SEZ6L: variants seen among roughly 807,000 people sequenced by gnomAD.
The protein encoded by SEZ6L is seizure 6-like protein.
Under a neutral mutation model 106.2 loss-of-function variants are expected in SEZ6L, and 37 were observed. The ratio of observed to expected loss-of-function variants is 0.35; its 90% confidence interval spans 0.27 to 0.46. SEZ6L has a LOEUF of 0.46. SEZ6L is among the 20% of genes least tolerant of loss of function. The pLI, the probability that SEZ6L is intolerant of heterozygous loss-of-function variation, is 1.00. For synonymous variants in SEZ6L, 541 were observed against 570.4 expected, an observed-to-expected ratio of 0.95 and a Z score of 0.73; for missense variants, 1,172 against 1,332.8, an observed-to-expected ratio of 0.88 and a Z score of 1.88.
chr22:26,293,004 G>C lies in SEZ6L; in HGVS notation c.693G>C (p.Glu231Asp). 6.2e-7 allele frequency: 1 copy of C among 1,614,108 alleles called. No individual in the cohort carries two copies. Among genetic ancestry groups the C allele is most frequent in the Non-Finnish European group, 8.5e-7 (1 of 1,179,998 alleles). ...PGEPGPDMAQ[E>D]APQEDTSPMA... is the part of the protein sequence containing the mutation. ...AGCCTGGGCCTGACATGGCCCAGGA[G>C]GCCCCCCAGGAGGACACCAGCCCCA... is the stretch of plus-strand genomic sequence containing the variant. The change falls in exon 2 of 17, where the codon GAG becomes GAC. Residue 231 changes from glutamate (E) to aspartate (D), a missense_variant. Physicochemically the swap from Glu to Asp is conservative, Grantham distance 45 (BLOSUM62 2). Coordinates refer to ENST00000248933, the MANE Select transcript of SEZ6L (RefSeq NM_021115.5).
chr22:26,318,097 A>C (rs1382322706), intron 9 of SEZ6L, among the ~76,000 whole-genome samples: 2 of 127,482 alleles, frequency 1.6e-5, no homozygotes, highest in Non-Finnish European at 3.4e-5. Flanking sequence ...ATTTTTTGTG[A>C]TAGAGTCTCA....
intron 10 of SEZ6L, among the ~76,000 whole-genome samples, chr22:26,342,672 G>A (rs546014260): frequency 6.4e-4 from 97 of 152,078 alleles, no homozygotes; most frequent in African/African-American, 2.1e-3. Flanking sequence ...TCCAGCCTGG[G>A]TGATAGAGCG....
intron 1 of SEZ6L, among the ~76,000 whole-genome samples, chr22:26,201,389 A>C (rs1199791755): frequency 6.8e-6 from 1 of 146,804 alleles, no homozygotes; most frequent in Non-Finnish European, 1.5e-5. Context: ...ATACAAAAAA[A>C]AAAAAAAAAA....
intron 1 of SEZ6L, among the ~76,000 whole-genome samples, chr22:26,289,340 G>A (rs1195039911): frequency 6.6e-6 from 1 of 152,182 alleles, no homozygotes; most frequent in African/African-American, 2.4e-5. Flanking sequence ...GCGACAGTGA[G>A]CATAAAAGCC....
intron 16 of SEZ6L, among the ~76,000 whole-genome samples, chr22:26,378,164 G>A (rs879322514): frequency 6.6e-6 from 1 of 152,142 alleles, no homozygotes; most frequent in Non-Finnish European, 1.5e-5. Context: ...TCCTATTTTA[G>A]GTGCTAGGAA....
chr22:26,314,519 G>A (rs1270184571), intron 9 of SEZ6L, among the ~76,000 whole-genome samples: 1 of 152,208 alleles, frequency 6.6e-6, no homozygotes, highest in African/African-American at 2.4e-5. Flanking sequence ...CTCTGGGGCT[G>A]GGTCTGACTA....
At chr22:26,186,081 G>A (rs117347633) in intron 1 of SEZ6L, among the ~76,000 whole-genome samples, 2 of 151,928 alleles carry the variant, frequency 1.3e-5, no homozygotes, top group East Asian at 1.9e-4. Flanking sequence ...CAGGTTTGCC[G>A]CACACCGGGG....
At chr22:26,195,149 G>T (rs1471451516) in intron 1 of SEZ6L, among the ~76,000 whole-genome samples, 1 of 152,194 alleles carries the variant, frequency 6.6e-6, no homozygotes, top group Non-Finnish European at 1.5e-5. Context: ...GCCTGACTTT[G>T]CAAGACCAGC....
intron 1 of SEZ6L, among the ~76,000 whole-genome samples, chr22:26,228,273 TGA>T (rs1006042527): frequency 6.6e-5 from 10 of 152,132 alleles, no homozygotes; most frequent in African/African-American, 2.4e-4. Flanking sequence ...CTCTAAAAAA[TGA>T]GAGTCTGGGT....
chr22:26,372,110 TG>T (rs1337480972), intron 13 of SEZ6L, among the ~76,000 whole-genome samples: 1 of 152,098 alleles, frequency 6.6e-6, no homozygotes, highest in African/African-American at 2.4e-5. Flanking sequence ...GTGAAATAAC[TG>T]GGGGAGTCCA....
rs1287716076 is a variant in SEZ6L, at chr22:26,364,280, C to T, written c.2600-1092C>T. On this transcript the variant is annotated intron_variant, in intron 12 of 16. Coordinates refer to ENST00000248933, the MANE Select transcript of SEZ6L (RefSeq NM_021115.5). ...CTGAAAAAGGACTAGATCTCACATG[C>T]GGCCTGGAATGGGTTAAACCTGCAG... is the stretch of plus-strand genomic sequence containing the variant. Among the ~76,000 whole-genome samples the T allele has an allele frequency of 3.9e-5, 6 of 152,084 alleles. No individual in the cohort carries two copies. The South Asian group carries it at 8.3e-4, about 21-fold the overall frequency.
intron 1 of SEZ6L, among the ~76,000 whole-genome samples, chr22:26,207,466 T>C (rs1448946622): frequency 1.3e-5 from 2 of 152,210 alleles, no homozygotes; most frequent in Non-Finnish European, 2.9e-5. Flanking sequence ...TCACGTAAAG[T>C]ACCTGGCACA....
chr22:26,250,041 A>G (rs1318690206), intron 1 of SEZ6L, among the ~76,000 whole-genome samples: 2 of 152,118 alleles, frequency 1.3e-5, no homozygotes, highest in African/African-American at 4.8e-5. Flanking sequence ...TGTTGAGTTG[A>G]GTTCCTTGTA....
intron 5 of SEZ6L, among the ~76,000 whole-genome samples, chr22:26,300,231 G>A (rs912039321): frequency 7.2e-5 from 11 of 152,102 alleles, no homozygotes; most frequent in Non-Finnish European, 1.2e-4. Flanking sequence ...GTATACATGT[G>A]CCATGTTGGT....
chr22:26,270,614 A>T (rs112028704), intron 1 of SEZ6L, among the ~76,000 whole-genome samples: 19 of 152,214 alleles, frequency 1.2e-4, no homozygotes, highest in African/African-American at 4.6e-4. Flanking sequence ...CAGGGAGAGG[A>T]CCCTTAGAGA....
chr22:26,327,156 G>A (rs2082331259), intron 9 of SEZ6L, among the ~76,000 whole-genome samples: 1 of 151,728 alleles, frequency 6.6e-6, no homozygotes, highest in Non-Finnish European at 1.5e-5. Flanking sequence ...GCAATGCAGA[G>A]CCCCGGCCCA....
At chr22:26,265,015 T>C (rs1387896004) in intron 1 of SEZ6L, among the ~76,000 whole-genome samples, 1 of 152,200 alleles carries the variant, frequency 6.6e-6, no homozygotes, top group Non-Finnish European at 1.5e-5. Flanking sequence ...AGATGTGTTT[T>C]AGGGGTGGAG....
At chr22:26,210,791 C>T (rs1052010624) in intron 1 of SEZ6L, among the ~76,000 whole-genome samples, 1 of 152,158 alleles carries the variant, frequency 6.6e-6, no homozygotes, top group Non-Finnish European at 1.5e-5. Context: ...CATGCATTTT[C>T]GGGTTTGGCC....
At chr22:26,234,502 A>G (rs1253321013) in intron 1 of SEZ6L, among the ~76,000 whole-genome samples, 3 of 152,108 alleles carry the variant, frequency 2.0e-5, no homozygotes, top group Non-Finnish European at 4.4e-5. Flanking sequence ...GCTCCTTGGG[A>G]GAACGAACGT....
Sources: gnomAD v4.1 joint callset for allele counts (sites outside exome capture counted in the v4.1 genomes callset) on GRCh38, gnomAD v4.1.1 for gene constraint, MANE v1.5 for transcripts, NCBI Gene and HGNC (gene_info 2026-07-23, HGNC 2026-07-21) for gene names.